SBF2: variants seen among roughly 807,000 people sequenced by gnomAD.
SBF2 encodes SET binding factor 2.
In SBF2, 112 loss-of-function variants were observed where a neutral mutation model predicts 225.2. The observed-to-expected ratio is 0.50, with a 90% CI of 0.43 to 0.58. SBF2 has a LOEUF of 0.58. SBF2 is among the 20% of genes least tolerant of loss of function. The pLI is 0.00. For synonymous variants in SBF2, 763 were observed against 773.3 expected (o/e 0.99, Z 0.22); for missense variants, 1,996 against 2,206.2 (o/e 0.90, Z 1.91).
At chr11:9,954,948 G>A (rs1866065185) in intron 16 of SBF2, among the ~76,000 whole-genome samples, 1 of 151,920 alleles carries the variant, frequency 6.6e-6, no homozygotes, top group African/African-American at 2.4e-5. Flanking sequence ...CCTGACTTTA[G>A]GACTTCTAGA....
intron 1 of SBF2, among the ~76,000 whole-genome samples, 173 bp from the exon 2 acceptor site, chr11:10,194,160 G>C (rs1303554284): frequency 6.6e-6 from 1 of 151,982 alleles, no homozygotes; most frequent in Non-Finnish European, 1.5e-5. Flanking sequence ...TTATGCAGTA[G>C]GACCTCCATA....
intron 2 of SBF2, among the ~76,000 whole-genome samples, chr11:10,128,565 G>C (rs911477686): frequency 3.9e-5 from 6 of 152,056 alleles, no homozygotes; most frequent in Non-Finnish European, 4.4e-5. Flanking sequence ...CTAATCCCAA[G>C]AACATATGCT....
chr11:10,240,125 C>T (rs7125823), intron 1 of SBF2, among the ~76,000 whole-genome samples: 16,018 of 151,732 alleles, frequency 0.11, 998 homozygotes, highest in Non-Finnish European at 0.11. Context: ...GACAAAAGTC[C>T]CCAAAAGTAA....
At chr11:10,058,306 T>G (rs965063296) in intron 2 of SBF2, among the ~76,000 whole-genome samples, 1 of 152,050 alleles carries the variant, frequency 6.6e-6, no homozygotes, top group African/African-American at 2.4e-5. Flanking sequence ...AAATAGCTAG[T>G]ATGAAAAAGA....
intron 1 of SBF2, among the ~76,000 whole-genome samples, chr11:10,254,896 GTC>G (rs1960719969): frequency 2.7e-5 from 1 of 37,494 alleles, no homozygotes; most frequent in Admixed American, 4.0e-4. Context: ...GTGAGACTCT[GTC>G]TCAAAAAAAA....
chr11:9,788,961 T>A (rs1852560898), intron 35 of SBF2, 148 bp downstream of exon 35: 1 of 707,482 alleles, frequency 1.4e-6, no homozygotes, highest in South Asian at 1.6e-5. Context: ...CCCCCACTGA[T>A]GATGGGGAGC....
upstream of SBF2, among the ~76,000 whole-genome samples, chr11:10,298,555 G>A (rs1362782065): frequency 6.6e-6 from 1 of 152,218 alleles, no homozygotes; most frequent in Non-Finnish European, 1.5e-5. Flanking sequence ...GTTCAAGGAG[G>A]CAGTATGAGA....
In SBF2 at chr11:9,839,908, T is replaced by C. The variant is rs575019445; in HGVS notation, c.3257-212A>G. On this transcript the variant is annotated intron_variant, in intron 25 of 39. Transcript: ENST00000256190. ...GAAACTGGGATGGTAGAGACAGATA[T>C]TGAAGAAATGATTAGCTCAAAGCAC... is the stretch of plus-strand genomic sequence containing the variant. 1.4e-4 allele frequency among the ~76,000 whole-genome samples: 21 copies of C among 152,252 alleles called. No homozygotes were observed. The Middle Eastern group carries it at 0.01, about 74-fold the overall frequency.
rs952165142 is a variant in SBF2, at chr11:10,272,354, G to C, written c.55+21661C>G. 6.9e-6 allele frequency: 4 copies of C among 579,056 alleles called. No homozygotes were observed. In the African/African-American group the frequency reaches 7.1e-5, roughly 10 times the overall value. The allele number at this position is 579,056 out of a possible 1,614,324, so 35.9% of individuals were successfully genotyped here. On this transcript the variant is annotated intron_variant, in intron 1 of 39. Coordinates refer to ENST00000256190, the MANE Select transcript of SBF2 (RefSeq NM_030962.4). ...GTAACTAAGGCTTACTTACTTGCTA[G>C]TTACCAGTTACTCACACAATTTCCT...
chr11:9,977,671 A>G (rs1280430222), intron 13 of SBF2, among the ~76,000 whole-genome samples: 1 of 152,144 alleles, frequency 6.6e-6, no homozygotes, highest in African/African-American at 2.4e-5. Flanking sequence ...TCTTTTTTAC[A>G]ATAATCTTTG....
intron 6 of SBF2, among the ~76,000 whole-genome samples, chr11:10,005,628 T>C (rs559087619): frequency 2.1e-4 from 32 of 152,240 alleles, no homozygotes; most frequent in African/African-American, 7.5e-4. Context: ...AAGCAAGAAT[T>C]GAGATTGCTG....
intron 17 of SBF2, among the ~76,000 whole-genome samples, chr11:9,871,868 G>C (rs1370205862): frequency 6.6e-6 from 1 of 152,156 alleles, no homozygotes; most frequent in Admixed American, 6.5e-5. Context: ...TACACTGTTG[G>C]TGGGAGTGTA....
At chr11:10,131,177 C>T (rs982583025) in intron 2 of SBF2, among the ~76,000 whole-genome samples, 8 of 152,012 alleles carry the variant, frequency 5.3e-5, no homozygotes, top group Non-Finnish European at 1.2e-4. Context: ...TTACCATATC[C>T]TTGCCACCTC....
At chr11:9,976,980 G>A (rs1449464364) in intron 13 of SBF2, among the ~76,000 whole-genome samples, 2 of 151,574 alleles carry the variant, frequency 1.3e-5, no homozygotes, top group Non-Finnish European at 2.9e-5. Context: ...CCGTGGTCTC[G>A]ATTTCCTGAC....
intron 13 of SBF2, among the ~76,000 whole-genome samples, chr11:9,978,603 T>C (rs528390350): frequency 3.2e-4 from 49 of 152,300 alleles, no homozygotes; most frequent in Admixed American, 1.2e-3. Context: ...TTTTAAAGAA[T>C]AGGGATTGTC....
At chr11:10,240,815 T>A (rs562182039) in intron 1 of SBF2, among the ~76,000 whole-genome samples, 1 of 152,316 alleles carries the variant, frequency 6.6e-6, no homozygotes, top group East Asian at 1.9e-4. Context: ...TTATTAAATT[T>A]TATGACTCCA....
chr11:9,800,418 T>A (rs967865929), intron 32 of SBF2, among the ~76,000 whole-genome samples: 1 of 151,998 alleles, frequency 6.6e-6, no homozygotes, highest in African/African-American at 2.4e-5. Context: ...ATTATTATTA[T>A]TTTTTTGAGA....
At chr11:9,927,276 G>A (rs1475346415) in intron 16 of SBF2, among the ~76,000 whole-genome samples, 1 of 152,102 alleles carries the variant, frequency 6.6e-6, no homozygotes, top group East Asian at 1.9e-4. Context: ...ATCTAGGCCT[G>A]GATATCTTTA....
At chr11:10,223,131 C>T (rs1822292) in intron 1 of SBF2, among the ~76,000 whole-genome samples, 33,138 of 151,240 alleles carry the variant, frequency 0.22, 4,409 homozygotes, top group Non-Finnish European at 0.31. Context: ...AATACTTTAA[C>T]GCACTCACTG....
Sources: gnomAD v4.1 joint callset for allele counts (sites outside exome capture counted in the v4.1 genomes callset) on GRCh38, gnomAD v4.1.1 for gene constraint, MANE v1.5 for transcripts, NCBI Gene and HGNC (gene_info 2026-07-23, HGNC 2026-07-21) for gene names.